Variants in GANAB observed in about 807,000 individuals in gnomAD.
The protein encoded by GANAB is neutral alpha-glucosidase AB.
In GANAB, 35 loss-of-function variants were observed where a neutral mutation model predicts 129.9. That is an observed-to-expected ratio of 0.27 (90% CI 0.21 to 0.36). The LOEUF (loss-of-function observed/expected upper bound fraction) is 0.36, where lower values mean the gene tolerates loss of function less well. GANAB is among the 10% of genes least tolerant of loss of function. The probability of loss-of-function intolerance (pLI) is 1.00; values close to 1 mark genes in which losing one functional copy is unlikely to be tolerated. For missense variants in GANAB, 939 were observed against 1,221.0 expected (o/e 0.77, Z 3.44); for synonymous variants, 482 against 451.8 (o/e 1.07, Z -0.85).
intron 17 of GANAB, among the ~76,000 whole-genome samples, chr11:62,627,574 A>G (rs1046879179): frequency 1.3e-5 from 2 of 152,024 alleles, no homozygotes; most frequent in Admixed American, 6.6e-5. Context: ...TCTACTAAAA[A>G]TACAAAAATT....
chr11:62,636,510 G>T (rs1413208129), intron 4 of GANAB, among the ~76,000 whole-genome samples: 4 of 151,626 alleles, frequency 2.6e-5, no homozygotes, highest in Non-Finnish European at 5.9e-5. Context: ...AAAAGTGTTA[G>T]AAGAAAATTA....
At chr11:62,644,457 TAAA>T (rs777738232) in intron 1 of GANAB, among the ~76,000 whole-genome samples, 1 of 142,294 alleles carries the variant, frequency 7.0e-6, no homozygotes, top group South Asian at 2.2e-4. Context: ...CGTCTCTACT[TAAA>T]AAAAAAAAAG....
At chr11:62,633,390 C>G in intron 6 of GANAB, 55 bp downstream of exon 6, 1 of 1,578,304 alleles carries the variant, frequency 6.3e-7, no homozygotes, top group Non-Finnish European at 8.7e-7. Flanking sequence ...TGGGCCTCTC[C>G]CCTCCACCCT....
chr11:62,633,866 C>G (rs1943808829), intron 5 of GANAB: 2 of 424,944 alleles, frequency 4.7e-6, no homozygotes, highest in South Asian at 5.7e-5. Context: ...GCCCCAAGTG[C>G]TCTCCCTGGG....
chr11:62,645,537 CAAAA>C (rs11322640), intron 1 of GANAB, among the ~76,000 whole-genome samples: 9 of 129,732 alleles, frequency 6.9e-5, no homozygotes, highest in East Asian at 2.3e-4. Flanking sequence ...CTCTGTCTCT[CAAAA>C]AAAAAAAAAA....
In GANAB at chr11:62,639,739, G is replaced by A. The variant is rs1310336138; in HGVS notation, c.39-8C>T. On this transcript the variant is annotated splice_region_variant and splice_polypyrimidine_tract_variant and intron_variant, in intron 1 of 23. Coordinates refer to ENST00000356638, the MANE Select transcript of GANAB (RefSeq NM_198334.3). ...ACCAAAGACGCCCAAGACCTAAGGA[G>A]AAAAGGACAAAGACAGAGCAATCAG... 6.3e-7 allele frequency: 1 copy of A among 1,596,572 alleles called. No individual in the cohort carries two copies. Among genetic ancestry groups the A allele is most frequent in the Non-Finnish European group, 8.6e-7 (1 of 1,163,984 alleles).
chr11:62,631,714 C>T (rs1248154387), intron 9 of GANAB, among the ~76,000 whole-genome samples: 1 of 152,010 alleles, frequency 6.6e-6, no homozygotes, highest in Non-Finnish European at 1.5e-5. Context: ...GTCCACCTCG[C>T]CCTCCCAAAG....
At position 62,625,349 on chromosome 11, in the gene GANAB, G is replaced by C. The variant is rs901098228; in HGVS notation, c.*466C>G. The C allele has an allele frequency of 1.8e-5, 8 of 451,068 alleles. No individual in the cohort carries two copies. The highest frequency in any genetic ancestry group is 4.0e-5 in the African/African-American group (2 of 49,740). The allele number at this position is 451,068 out of a possible 1,614,324, so 27.9% of individuals were successfully genotyped here. A position where few individuals can be genotyped will look rare whatever the true frequency, so the allele number is the denominator to read the frequency against. ...GGCATAAAAAGGGGAGTAAAGCCTG[G>C]AGGAAGAAATGAAAGGTGGGAGAGC... On this transcript the variant is annotated 3_prime_UTR_variant, in exon 24 of 24. Coordinates refer to ENST00000356638, the MANE Select transcript of GANAB (RefSeq NM_198334.3).
intron 5 of GANAB, 153 bp downstream of exon 5, chr11:62,634,668 G>A (rs1943854634): frequency 1.3e-5 from 9 of 672,258 alleles, no homozygotes; most frequent in South Asian, 3.7e-5. Context: ...AACCGCACCC[G>A]GGTCTGGTTC....
rs896469685 is a variant in GANAB, at chr11:62,627,058, C to T, written c.2312G>A (p.Gly771Asp). ...CCTTCCTTAACTCACCTCCCCTTGGCCAGGCAGATAGACCTGGACACCATG... is the reference window on the plus strand; with the variant it reads ...CCTTCCTTAACTCACCTCCCCTTGGTCAGGCAGATAGACCTGGACACCATG... ...GAHGVQVYLP[G>D]QGEVWYDIQS... Residue 771 changes from glycine to aspartate, a missense_variant, in exon 19 of 24, where the codon GGC becomes GAC. This residue lies in a region of GANAB where 230 missense variants were observed against 259.9 expected (regional missense o/e 0.89). Coordinates refer to ENST00000356638, the MANE Select transcript of GANAB (RefSeq NM_198334.3). 1 of 1,613,512 alleles carries T rather than the reference C, an allele frequency of 6.2e-7. No individual in the cohort carries two copies. Among genetic ancestry groups the T allele is most frequent in the African/African-American group, 1.3e-5 (1 of 75,036 alleles).
At position 62,630,414 on chromosome 11, in the gene GANAB, C is replaced by T. The variant is rs774472553; in HGVS notation, c.1478G>A (p.Arg493Gln). 10 of 1,614,076 alleles carry T rather than the reference C, an allele frequency of 6.2e-6. No individual in the cohort carries two copies. The African/African-American group carries it at 6.7e-5, about 11-fold the overall frequency. ...CCAGCCCTCATAGTCAGAGCCATCC[C>T]GGGTTTTAACATACAGCCCCAGGTT... ...LRNLGLYVKT[R>Q]DGSDYEGWCW... The change falls in exon 12 of 24, where the codon CGG becomes CAG. Residue 493 changes from arginine (R) to glutamine (Q), a missense_variant. Arg to Gln is a conservative substitution (Grantham distance 43, BLOSUM62 1). This residue lies in a region of GANAB where 220 missense variants were observed against 295.9 expected (regional missense o/e 0.74). Coordinates refer to ENST00000356638, the MANE Select transcript of GANAB (RefSeq NM_198334.3).
chr11:62,635,727 G>C (rs1943914672), intron 4 of GANAB, among the ~76,000 whole-genome samples: 1 of 151,514 alleles, frequency 6.6e-6, no homozygotes, highest in African/African-American at 2.4e-5. Context: ...CCAGGTTCAA[G>C]TGATTCTCCT....
chr11:62,633,442 T>C lies in GANAB; in HGVS notation c.630+3A>G. 4 of 1,613,770 alleles carry C rather than the reference T, an allele frequency of 2.5e-6. No homozygotes were observed. The highest frequency in any genetic ancestry group is 3.4e-6 in the Non-Finnish European group (4 of 1,179,910). ...CTCCAACCACCCACCCGCTCCAACT[T>C]GCCTTGTCGCCATCCCTGGGTGTTT... is the stretch of plus-strand genomic sequence containing the variant. On this transcript the variant is annotated splice_donor_region_variant and intron_variant, in intron 6 of 23. Transcript: ENST00000356638.
At chr11:62,643,593 A>C (rs1048551029) in intron 1 of GANAB, among the ~76,000 whole-genome samples, 4 of 152,218 alleles carry the variant, frequency 2.6e-5, no homozygotes, top group Admixed American at 1.3e-4. Flanking sequence ...CAGTGAGCCA[A>C]GGTTGTGCCA....
intron 1 of GANAB, among the ~76,000 whole-genome samples, chr11:62,643,905 A>G (rs1944368770): frequency 6.6e-6 from 1 of 152,256 alleles, no homozygotes; most frequent in Admixed American, 6.5e-5. Context: ...TGCTGGAATT[A>G]CAGGCGTGAG....
intron 4 of GANAB, among the ~76,000 whole-genome samples, 153 bp downstream of exon 4, chr11:62,638,830 G>A (rs1005358243): frequency 4.6e-5 from 7 of 151,226 alleles, no homozygotes; most frequent in Non-Finnish European, 1.0e-4. Context: ...AAGTGAAACA[G>A]AAGAAGAGGT....
chr11:62,633,629 G>T, intron 5 of GANAB, 115 bp from the exon 6 acceptor site: 1 of 869,346 alleles, frequency 1.2e-6, no homozygotes, highest in Non-Finnish European at 1.9e-6. Flanking sequence ...AGGCATTGGA[G>T]GAAGGGACTA....
At chr11:62,642,591 T>G (rs1395987073) in intron 1 of GANAB, among the ~76,000 whole-genome samples, 2 of 151,994 alleles carry the variant, frequency 1.3e-5, no homozygotes, top group African/African-American at 4.8e-5. Context: ...CCCACCACCA[T>G]GCCCAGCTAA....
Position 62,626,456 on chromosome 11 carries a change from G to A in GANAB, c.2512-9C>T, listed in dbSNP as rs1943379213. 1 of 1,591,036 alleles carries A rather than the reference G, an allele frequency of 6.3e-7. No individual in the cohort carries two copies. The highest frequency in any genetic ancestry group is 1.3e-5 in the African/African-American group (1 of 74,432). On this transcript the variant is annotated splice_polypyrimidine_tract_variant and intron_variant, in intron 21 of 23. Transcript: ENST00000356638. Reference sequence around the variant, plus strand: ...TCTCCTTGAGCTGTACCCTGAGCAAGAAGTGGGATAGGTGAGCGCCTGAGC... The same window carrying A: ...TCTCCTTGAGCTGTACCCTGAGCAAAAAGTGGGATAGGTGAGCGCCTGAGC...
Sources: allele counts gnomAD v4.1 joint callset (sites outside exome capture counted in the v4.1 genomes callset), GRCh38; gene constraint gnomAD v4.1.1; regional missense constraint gnomAD v4.1.1; transcripts MANE v1.5; gene names NCBI Gene and HGNC (gene_info 2026-07-23, HGNC 2026-07-21).